ABI2: variants seen among roughly 807,000 people sequenced by gnomAD.
ABI2 encodes the protein abl interactor 2, also known as abelson interactor 2.
In ABI2, 25 loss-of-function variants were observed where a neutral mutation model predicts 59.2. That is an observed-to-expected ratio of 0.42 (90% CI 0.31 to 0.59). The LOEUF (loss-of-function observed/expected upper bound fraction) is 0.59. Ranked by LOEUF, ABI2 falls within the 20% of genes least tolerant of loss-of-function variation. The pLI, the probability that ABI2 is intolerant of heterozygous loss-of-function variation, is 0.14. For missense variants in ABI2, 545 were observed against 681.8 expected, an observed-to-expected ratio of 0.80 and a Z score of 2.23; for synonymous variants, 213 against 235.5, an observed-to-expected ratio of 0.90 and a Z score of 0.87.
At chr2:203,409,009 T>G (rs1272506620) in intron 9 of ABI2, among the ~76,000 whole-genome samples, 1 of 149,180 alleles carries the variant, frequency 6.7e-6, no homozygotes, top group Non-Finnish European at 1.5e-5. Context: ...CGGCTAATTT[T>G]TTGTATTCTT....
chr2:203,337,690 A>G (rs1177890165), intron 1 of ABI2, among the ~76,000 whole-genome samples: 1 of 152,214 alleles, frequency 6.6e-6, no homozygotes, highest in Non-Finnish European at 1.5e-5. Flanking sequence ...GCAGTTTTGA[A>G]TAAGAACAAA....
At chr2:203,396,762 C>G (rs1443611529) in intron 7 of ABI2, 23 bp from the exon 8 acceptor site, 1 of 1,510,932 alleles carries the variant, frequency 6.6e-7, no homozygotes, top group Admixed American at 2.1e-5. Flanking sequence ...TTAATGCTGC[C>G]TCTTACTCCT....
At chr2:203,413,557 A>G (rs912057812) in intron 10 of ABI2, among the ~76,000 whole-genome samples, 2 of 152,144 alleles carry the variant, frequency 1.3e-5, no homozygotes, top group Admixed American at 1.3e-4. Context: ...GGTCTTTTTC[A>G]TCTTTTCCTA....
At chr2:203,345,019 TA>T (rs1325887939) in intron 1 of ABI2, among the ~76,000 whole-genome samples, 4 of 152,142 alleles carry the variant, frequency 2.6e-5, no homozygotes. Context: ...AATAAGGGAA[TA>T]AAAGCTGGCT....
At chr2:203,388,097 G>C (rs929453890) in intron 4 of ABI2, among the ~76,000 whole-genome samples, 3 of 151,844 alleles carry the variant, frequency 2.0e-5, no homozygotes, top group South Asian at 4.2e-4. Flanking sequence ...ATTTATTTCT[G>C]TTCTTCCTTT....
intron 9 of ABI2, among the ~76,000 whole-genome samples, chr2:203,406,992 T>C (rs1001479927): frequency 1.6e-4 from 25 of 152,226 alleles, no homozygotes; most frequent in African/African-American, 5.8e-4. Context: ...TTAATTCAGA[T>C]ACCACATCCT....
At chr2:203,340,700 A>G (rs376443628) in intron 1 of ABI2, among the ~76,000 whole-genome samples, 1 of 152,028 alleles carries the variant, frequency 6.6e-6, no homozygotes, top group Admixed American at 6.6e-5. Context: ...CGCTCCCACC[A>G]AAGATAATCA....
chr2:203,385,139 C>CTTTGTTTTTTTTTTTTTTTTTTTTTTTTT (rs2096428874), intron 4 of ABI2, among the ~76,000 whole-genome samples: 1 of 69,938 alleles, frequency 1.4e-5, no homozygotes, highest in East Asian at 4.2e-4. Context: ...GGCTCAGATT[C>CTTTGTTTTTTTTTTTTTTTTTTTTTTTTT]TTTTTTTTTT....
intron 8 of ABI2, among the ~76,000 whole-genome samples, chr2:203,400,646 T>C (rs1017173082): frequency 3.3e-5 from 5 of 152,200 alleles, no homozygotes; most frequent in African/African-American, 1.2e-4. Context: ...TTGATACACA[T>C]GTAAGATGTT....
chr2:203,385,139 C>CTTTTTTTTTTTTTTTTTT lies in ABI2; in HGVS notation c.480+2946_480+2947insTTTTTTTTTTTTTTTTTT, dbSNP rs10527327. Among the ~76,000 whole-genome samples, 380 of 69,910 alleles carry CTTTTTTTTTTTTTTTTTT rather than the reference C, an allele frequency of 5.4e-3. 64 individuals are homozygous for CTTTTTTTTTTTTTTTTTT. Among genetic ancestry groups the CTTTTTTTTTTTTTTTTTT allele is most frequent in the African/African-American group, 0.013 (278 of 20,952 alleles). The allele number at this position is 69,910 out of a possible 152,430, so 45.9% of individuals were successfully genotyped here. On this transcript the variant is annotated intron_variant, in intron 4 of 11. Transcript: ENST00000261018. Reference sequence around the variant, plus strand: ...TGAGCCACCGCACCCGGCTCAGATTCTTTTTTTTTTTTTGAGACAGTCTTG... The same window carrying CTTTTTTTTTTTTTTTTTT: ...TGAGCCACCGCACCCGGCTCAGATTCTTTTTTTTTTTTTTTTTTTTTTTTTTTTTTTGAGACAGTCTTG...
intron 10 of ABI2, among the ~76,000 whole-genome samples, chr2:203,414,290 C>T (rs1472080434): frequency 2.0e-5 from 3 of 151,850 alleles, no homozygotes; most frequent in Admixed American, 6.6e-5. Context: ...TTAGTAGAGA[C>T]GGGGTTTCGC....
chr2:203,369,256 A>C (rs2094868701), intron 2 of ABI2, among the ~76,000 whole-genome samples: 1 of 152,122 alleles, frequency 6.6e-6, no homozygotes, highest in East Asian at 1.9e-4. Flanking sequence ...AAAGGATGTT[A>C]AAAAGAAACG....
chr2:203,356,918 C>T (rs569910745), intron 1 of ABI2, among the ~76,000 whole-genome samples: 17 of 152,040 alleles, frequency 1.1e-4, no homozygotes, highest in Admixed American at 3.9e-4. Context: ...GTATACTTCA[C>T]ATTGTTCCTG....
chr2:203,378,267 C>T (rs559386145), intron 2 of ABI2, among the ~76,000 whole-genome samples: 7 of 152,222 alleles, frequency 4.6e-5, no homozygotes, highest in East Asian at 1.9e-4. Flanking sequence ...CACCCGCCAC[C>T]ATGCCCGGCT....
At chr2:203,366,174 C>G (rs2152991000) in intron 1 of ABI2, among the ~76,000 whole-genome samples, 1 of 151,938 alleles carries the variant, frequency 6.6e-6, no homozygotes, top group African/African-American at 2.4e-5. Context: ...TAATGTTTAG[C>G]TGGGCCTGGT....
In ABI2 at chr2:203,427,453, C is replaced by A; in HGVS notation, c.*101C>A. On this transcript the variant is annotated 3_prime_UTR_variant, in exon 12 of 12. Transcript: ENST00000261018. ...CTCCAGTAAAGTAGAATGAAGGATA[C>A]AAATGATAAAAATTACACTTTTTTT... 2 of 1,056,850 alleles carry A rather than the reference C, an allele frequency of 1.9e-6. No homozygotes were observed. Among genetic ancestry groups the A allele is most frequent in the Non-Finnish European group, 2.6e-6 (2 of 757,436 alleles). 65.5% of individuals were successfully genotyped at this position (1,056,850 alleles called of 1,614,324 possible). A position where few individuals can be genotyped will look rare whatever the true frequency, so the allele number is the denominator to read the frequency against.
chr2:203,392,593 T>C (rs1374650822), intron 5 of ABI2, among the ~76,000 whole-genome samples: 1 of 152,192 alleles, frequency 6.6e-6, no homozygotes, highest in South Asian at 2.1e-4. Flanking sequence ...AGAATGTAGA[T>C]GGCATAGTAG....
At chr2:203,338,947 T>C (rs1323262937) in intron 1 of ABI2, among the ~76,000 whole-genome samples, 1 of 29,852 alleles carries the variant, frequency 3.3e-5, no homozygotes, top group Non-Finnish European at 5.3e-5. Flanking sequence ...TATATATATA[T>C]ATATATATAT....
intron 2 of ABI2, among the ~76,000 whole-genome samples, chr2:203,378,143 C>A (rs1386825633): frequency 6.7e-6 from 1 of 148,492 alleles, no homozygotes; most frequent in Non-Finnish European, 1.5e-5. Flanking sequence ...GATGGAGTCT[C>A]GCTCTGTTGC....
Sources: gnomAD v4.1 joint callset for allele counts (sites outside exome capture counted in the v4.1 genomes callset) on GRCh38, gnomAD v4.1.1 for gene constraint, MANE v1.5 for transcripts, NCBI Gene and HGNC (gene_info 2026-07-23, HGNC 2026-07-21) for gene names.